Variants in OR51B5 observed in about 807,000 individuals in gnomAD.
The protein encoded by OR51B5 is olfactory receptor 51B5.
For synonymous variants in OR51B5, 186 were observed against 144.8 expected (o/e 1.28, Z -2.04); for missense variants, 456 against 374.6 (o/e 1.22, Z -1.79).
At chr11:5,445,445 C>A (rs150091592) in intron 1 of OR51B5, among the ~76,000 whole-genome samples, 36 of 152,196 alleles carry the variant, frequency 2.4e-4, no homozygotes, top group African/African-American at 8.7e-4. Flanking sequence ...TACTCCATTA[C>A]TATATGGAAC....
intron 1 of OR51B5, chr11:5,454,641 G>A: frequency 2.5e-6 from 1 of 404,186 alleles, no homozygotes. Flanking sequence ...TAAATATTGG[G>A]GGCAATTGAG....
chr11:5,479,731 A>G (rs1048856679), intron 1 of OR51B5, among the ~76,000 whole-genome samples: 1 of 146,768 alleles, frequency 6.8e-6, no homozygotes, highest in African/African-American at 2.5e-5. Flanking sequence ...GATAAAATAG[A>G]CTTTAAACCA....
At chr11:5,458,812 A>C (rs1359512383) in intron 1 of OR51B5, among the ~76,000 whole-genome samples, 2 of 152,200 alleles carry the variant, frequency 1.3e-5, no homozygotes, top group Non-Finnish European at 2.9e-5. Flanking sequence ...ATTTGTCTTA[A>C]ATTTTCGCTG....
At chr11:5,352,458 T>C (rs370950314) in intron 1 of OR51B5, 82 of 1,523,114 alleles carry the variant, frequency 5.4e-5, no homozygotes, top group Non-Finnish European at 6.9e-5. Flanking sequence ...ATTGTTTCAC[T>C]GGTCTCTGAG....
intron 1 of OR51B5, among the ~76,000 whole-genome samples, chr11:5,491,875 G>C (rs894935683): frequency 6.6e-6 from 1 of 152,278 alleles, no homozygotes; most frequent in Admixed American, 6.5e-5. Context: ...CAGCCCTAGA[G>C]CATGTGCAAA....
chr11:5,354,237 G>A (rs1308616094), intron 1 of OR51B5, among the ~76,000 whole-genome samples: 1 of 151,988 alleles, frequency 6.6e-6, no homozygotes, highest in East Asian at 1.9e-4. Context: ...TCTTCCCTTG[G>A]GCTTTTGGGA....
At chr11:5,489,376 A>G (rs1250042330) in intron 1 of OR51B5, 2 of 1,613,854 alleles carry the variant, frequency 1.2e-6, no homozygotes, top group Admixed American at 1.7e-5. Flanking sequence ...CTATGGCTTT[A>G]TCCTCCATGC....
chr11:5,404,354 C>A (rs1199246257), intron 1 of OR51B5, among the ~76,000 whole-genome samples: 1 of 151,978 alleles, frequency 6.6e-6, no homozygotes, highest in Non-Finnish European at 1.5e-5. Context: ...ATGCACCAAT[C>A]AGCGCTGTGT....
rs1223956761 is a variant in OR51B5, at chr11:5,453,835, T to A, written n.84+51734A>T. On this transcript the variant is annotated intron_variant and non_coding_transcript_variant, in intron 1 of 4. Coordinates refer to the OR51B5 transcript ENST00000415970. ...TCCATGATGGAATCAGGTATTCTGCTGGCCATGAGTTTTGACCGCTATGTG... is the reference window on the plus strand; with the variant it reads ...TCCATGATGGAATCAGGTATTCTGCAGGCCATGAGTTTTGACCGCTATGTG... 3.1e-6 allele frequency: 5 copies of A among 1,614,140 alleles called. No individual in the cohort carries two copies. The Admixed American group carries it at 8.3e-5, about 27-fold the overall frequency.
chr11:5,437,058 T>A, intron 1 of OR51B5, among the ~76,000 whole-genome samples: 1 of 152,014 alleles, frequency 6.6e-6, no homozygotes, highest in East Asian at 1.9e-4. Flanking sequence ...AGGAGGAGGG[T>A]TAGATCTTAC....
At chr11:5,405,279 T>G (rs1850042376) in intron 1 of OR51B5, among the ~76,000 whole-genome samples, 1 of 152,192 alleles carries the variant, frequency 6.6e-6, no homozygotes, top group Non-Finnish European at 1.5e-5. Context: ...TTACATACAG[T>G]AAACATCTTG....
At chr11:5,414,803 T>C (rs1303307562) in intron 1 of OR51B5, among the ~76,000 whole-genome samples, 2 of 152,178 alleles carry the variant, frequency 1.3e-5, no homozygotes, top group African/African-American at 2.4e-5. Flanking sequence ...CAAAGAGATT[T>C]AGACTCCCAC....
Position 5,496,171 on chromosome 11 carries a change from T to C in OR51B5, n.84+9398A>G, listed in dbSNP as rs1851648133. Among the ~76,000 whole-genome samples, 3 of 151,994 alleles carry C rather than the reference T, an allele frequency of 2.0e-5. 1 individual carries two copies. Among genetic ancestry groups the C allele is most frequent in the Admixed American group, 2.0e-4 (3 of 15,248 alleles). On this transcript the variant is annotated intron_variant and non_coding_transcript_variant, in intron 1 of 4. Transcript: ENST00000415970. ...AGTCCACGTTGACTCTCAATGGAGG[T>C]ACCTGCCCATGGGTTCACATTCTCT...
intron 1 of OR51B5, among the ~76,000 whole-genome samples, chr11:5,372,794 G>A (rs533016599): frequency 1.3e-5 from 2 of 152,124 alleles, no homozygotes; most frequent in East Asian, 1.9e-4. Context: ...TGTTACCTGA[G>A]CTCTGGCACA....
At chr11:5,422,560 G>A in intron 1 of OR51B5, 2 of 1,614,080 alleles carry the variant, frequency 1.2e-6, no homozygotes, top group Non-Finnish European at 1.7e-6. Flanking sequence ...TCCTGGCTAT[G>A]TCCGTTGACT....
intron 1 of OR51B5, among the ~76,000 whole-genome samples, chr11:5,472,412 G>A (rs1851242315): frequency 6.6e-6 from 1 of 152,150 alleles, no homozygotes. Context: ...GGTGGGAGGA[G>A]AGAGGCTGGT....
chr11:5,410,194 C>T (rs7128748), intron 1 of OR51B5, among the ~76,000 whole-genome samples: 123,628 of 152,036 alleles, frequency 0.81, 51,307 homozygotes, highest in Non-Finnish European at 0.89. Flanking sequence ...TTAAAAGCAT[C>T]GGAAAAGGTA....
chr11:5,401,763 C>G lies in OR51B5; in HGVS notation n.85-54853G>C, dbSNP rs1161699297. 5.3e-5 allele frequency among the ~76,000 whole-genome samples: 8 copies of G among 152,146 alleles called. No individual in the cohort carries two copies. In the East Asian group the frequency reaches 1.5e-3, roughly 29 times the overall value. Reference sequence around the variant, plus strand: ...ACACCAACTCAAGGCAGTCATTTCTCTCTAAGTTGATCCAAGGTGCACTAC... The same window carrying G: ...ACACCAACTCAAGGCAGTCATTTCTGTCTAAGTTGATCCAAGGTGCACTAC... On this transcript the variant is annotated intron_variant and non_coding_transcript_variant, in intron 1 of 4. Coordinates refer to the OR51B5 transcript ENST00000415970.
intron 1 of OR51B5, among the ~76,000 whole-genome samples, chr11:5,452,842 G>A (rs996558996): frequency 6.6e-6 from 1 of 152,162 alleles, no homozygotes; most frequent in Non-Finnish European, 1.5e-5. Flanking sequence ...ACAGCCTTGT[G>A]CCTTTGCACA....
Sources: allele counts gnomAD v4.1 joint callset (sites outside exome capture counted in the v4.1 genomes callset), GRCh38; gene constraint gnomAD v4.1.1; transcripts MANE v1.5; gene names NCBI Gene and HGNC (gene_info 2026-07-23, HGNC 2026-07-21).